CHCHD6: variants seen among roughly 807,000 people sequenced by gnomAD.
CHCHD6 encodes coiled-coil-helix-coiled-coil-helix domain containing 6.
A neutral mutation model predicts 32.3 loss-of-function variants in CHCHD6; 28 were observed. The observed-to-expected ratio is 0.87, with a 90% confidence interval of 0.64 to 1.19. CHCHD6 has a LOEUF of 1.19. CHCHD6 is among the 50% of genes most tolerant of loss of function. CHCHD6 has a pLI of 0.00. For synonymous variants in CHCHD6, 122 were observed against 117.5 expected (o/e 1.04, Z -0.25); for missense variants, 333 against 307.0 (o/e 1.08, Z -0.63).
At chr3:126,797,855 T>G (rs999805497) in intron 4 of CHCHD6, among the ~76,000 whole-genome samples, 1 of 151,870 alleles carries the variant, frequency 6.6e-6, no homozygotes, top group Non-Finnish European at 1.5e-5. Context: ...TCCCCCATGG[T>G]GTGGTGTGTC....
chr3:126,826,283 A>T (rs892868505), intron 4 of CHCHD6, among the ~76,000 whole-genome samples: 2 of 152,178 alleles, frequency 1.3e-5, no homozygotes, highest in Non-Finnish European at 1.5e-5. Flanking sequence ...AGACCAGTTT[A>T]TAAGTGGTGA....
intron 5 of CHCHD6, among the ~76,000 whole-genome samples, chr3:126,898,684 A>G (rs1039307963): frequency 1.3e-5 from 2 of 152,016 alleles, no homozygotes; most frequent in Non-Finnish European, 2.9e-5. Flanking sequence ...GATTATAGGC[A>G]CCCGTCCCCA....
At chr3:126,707,718 C>T (rs114083200) in intron 1 of CHCHD6, among the ~76,000 whole-genome samples, 1,799 of 152,326 alleles carry the variant, frequency 0.012, 17 homozygotes, top group Middle Eastern at 0.048. Flanking sequence ...TACCGTCATG[C>T]ATTGCTCCCA....
chr3:126,903,682 T>C (rs993529040), intron 5 of CHCHD6, among the ~76,000 whole-genome samples: 18 of 152,220 alleles, frequency 1.2e-4, no homozygotes, highest in Non-Finnish European at 2.1e-4. Flanking sequence ...CAGATAGTGG[T>C]GCCACCCAAC....
intron 5 of CHCHD6, among the ~76,000 whole-genome samples, chr3:126,873,005 G>C (rs2077496508): frequency 6.6e-6 from 1 of 152,208 alleles, no homozygotes; most frequent in South Asian, 2.1e-4. Context: ...CACTGTGCAG[G>C]ATATCTACAG....
At chr3:126,947,609 C>T (rs1260787149) in intron 6 of CHCHD6, among the ~76,000 whole-genome samples, 1 of 152,194 alleles carries the variant, frequency 6.6e-6, no homozygotes, top group Non-Finnish European at 1.5e-5. Context: ...CCAACCCCGT[C>T]TGCAGAACGG....
intron 5 of CHCHD6, among the ~76,000 whole-genome samples, chr3:126,860,365 A>G (rs1286266314): frequency 6.6e-6 from 1 of 151,830 alleles, no homozygotes; most frequent in African/African-American, 2.4e-5. Context: ...CAAACACCGC[A>G]TGTTCTCACT....
chr3:126,875,448 C>T (rs773230967), intron 5 of CHCHD6, among the ~76,000 whole-genome samples: 10 of 152,214 alleles, frequency 6.6e-5, no homozygotes, highest in African/African-American at 1.2e-4. Flanking sequence ...CAGGTGCTGG[C>T]GCACTGCTCT....
chr3:126,936,713 G>A (rs559147239), intron 6 of CHCHD6, among the ~76,000 whole-genome samples: 18 of 152,080 alleles, frequency 1.2e-4, no homozygotes, highest in African/African-American at 3.9e-4. Flanking sequence ...GCACCACCAC[G>A]CTCAGCTAAT....
At chr3:126,821,598 A>G (rs1420209919) in intron 4 of CHCHD6, among the ~76,000 whole-genome samples, 1 of 152,240 alleles carries the variant, frequency 6.6e-6, no homozygotes, top group East Asian at 1.9e-4. Flanking sequence ...CTGGCCTATG[A>G]TAACTCTTAA....
At position 126,764,200 on chromosome 3, in the gene CHCHD6, C is replaced by CATATATAT. The variant is rs143293559; in HGVS notation, c.411+30996_411+31003dup. On this transcript the variant is annotated intron_variant, in intron 4 of 7. Transcript: ENST00000290913. ...ATACACATACATACATACATACATG[C>CATATATAT]ATATATATATATATATATATATATA... Among the ~76,000 whole-genome samples the CATATATAT allele has an allele frequency of 3.7e-3, 524 of 139,780 alleles. 2 individuals carry two copies. Among genetic ancestry groups the CATATATAT allele is most frequent in the African/African-American group, 7.3e-3 (283 of 38,578 alleles). The allele number at this position is 139,780 out of a possible 152,430, so 91.7% of individuals were successfully genotyped here. A position where few individuals can be genotyped will look rare whatever the true frequency, so the allele number is the denominator to read the frequency against.
At chr3:126,828,109 A>T (rs1029038035) in intron 4 of CHCHD6, among the ~76,000 whole-genome samples, 3 of 152,006 alleles carry the variant, frequency 2.0e-5, no homozygotes, top group African/African-American at 7.3e-5. Context: ...CCTTCCCACC[A>T]TGACGATTGG....
chr3:126,741,246 C>T (rs1936276334), intron 4 of CHCHD6, among the ~76,000 whole-genome samples: 1 of 152,168 alleles, frequency 6.6e-6, no homozygotes, highest in Non-Finnish European at 1.5e-5. Flanking sequence ...GTGCTGTGCG[C>T]CGTTGGGAAA....
chr3:126,924,125 G>A (rs924102491), intron 6 of CHCHD6, among the ~76,000 whole-genome samples: 3 of 152,176 alleles, frequency 2.0e-5, no homozygotes, highest in Admixed American at 6.5e-5. Flanking sequence ...CGACAGCTAC[G>A]GTGTGCGCCG....
chr3:126,862,306 A>T (rs1450922621), intron 5 of CHCHD6, among the ~76,000 whole-genome samples: 1 of 118,262 alleles, frequency 8.5e-6, no homozygotes, highest in Non-Finnish European at 1.8e-5. Flanking sequence ...CTCCTCCTCT[A>T]CCATCATCAC....
chr3:126,898,851 A>C (rs2077880104), intron 5 of CHCHD6, among the ~76,000 whole-genome samples: 1 of 152,170 alleles, frequency 6.6e-6, no homozygotes, highest in South Asian at 2.1e-4. Flanking sequence ...GAATTTGTTA[A>C]ATGCCACTGA....
chr3:126,904,584 C>T (rs2077978556), intron 5 of CHCHD6, among the ~76,000 whole-genome samples: 1 of 152,154 alleles, frequency 6.6e-6, no homozygotes, highest in Admixed American at 6.5e-5. Context: ...ATACACACAA[C>T]TACATACATC....
intron 4 of CHCHD6, among the ~76,000 whole-genome samples, chr3:126,835,095 A>T (rs1252469247): frequency 6.6e-6 from 1 of 152,172 alleles, no homozygotes; most frequent in East Asian, 1.9e-4. Flanking sequence ...ATCCACAAAC[A>T]GTTGGAACAG....
At chr3:126,845,708 A>AT (rs1258685371) in intron 4 of CHCHD6, among the ~76,000 whole-genome samples, 1 of 151,836 alleles carries the variant, frequency 6.6e-6, no homozygotes, top group East Asian at 1.9e-4. Context: ...AAGTTCACTG[A>AT]TTTTTGCTCC....
Sources: allele counts gnomAD v4.1 joint callset (sites outside exome capture counted in the v4.1 genomes callset), GRCh38; gene constraint gnomAD v4.1.1; transcripts MANE v1.5; gene names NCBI Gene and HGNC (gene_info 2026-07-23, HGNC 2026-07-21).